Variants in PTPRM observed in about 807,000 individuals in gnomAD.
PTPRM encodes the protein receptor-type tyrosine-protein phosphatase mu.
PTPRM carries 47 observed loss-of-function variants against 186.7 expected under a neutral mutation model. The ratio of observed to expected loss-of-function variants is 0.25; its 90% confidence interval spans 0.20 to 0.32. PTPRM has a LOEUF of 0.32. Among genes scored for constraint, PTPRM ranks in the 10% least tolerant of loss-of-function variants. The pLI is 1.00. For synonymous variants in PTPRM, 668 were observed against 674.9 expected (o/e 0.99, Z 0.16); for missense variants, 1,494 against 1,865.0 (o/e 0.80, Z 3.66).
chr18:7,891,630 G>A (rs1213391663), intron 3 of PTPRM, among the ~76,000 whole-genome samples: 1 of 152,146 alleles, frequency 6.6e-6, no homozygotes, highest in East Asian at 1.9e-4. Context: ...ACTTTGGGAG[G>A]CTGAGGCAGG....
chr18:7,944,172 C>G (rs970558897), intron 5 of PTPRM, among the ~76,000 whole-genome samples: 2 of 152,112 alleles, frequency 1.3e-5, no homozygotes, highest in Non-Finnish European at 2.9e-5. Context: ...CTAGAGTCAG[C>G]CAGTATTTCT....
chr18:7,928,084 C>T (rs2051277780), intron 5 of PTPRM, among the ~76,000 whole-genome samples: 1 of 152,142 alleles, frequency 6.6e-6, no homozygotes, highest in Admixed American at 6.5e-5. Context: ...AAATGGGAGA[C>T]ATTTGAGTGT....
At chr18:8,024,136 G>T (rs565940798) in intron 7 of PTPRM, among the ~76,000 whole-genome samples, 150 of 152,160 alleles carry the variant, frequency 9.9e-4, no homozygotes, top group African/African-American at 3.1e-3. Context: ...GGACAGAAAT[G>T]ATTTTTAATA....
chr18:7,657,835 T>C (rs1423988396), intron 1 of PTPRM, among the ~76,000 whole-genome samples: 1 of 152,216 alleles, frequency 6.6e-6, no homozygotes, highest in African/African-American at 2.4e-5. Flanking sequence ...ACAATGAGGA[T>C]TTTTAAATCA....
At chr18:8,125,904 A>T (rs532539931) in intron 13 of PTPRM, among the ~76,000 whole-genome samples, 1 of 147,676 alleles carries the variant, frequency 6.8e-6, no homozygotes, top group Admixed American at 6.8e-5. Context: ...TTAAATTAAG[A>T]TATCTTTGTT....
chr18:7,891,861 C>A (rs757144850), intron 3 of PTPRM, among the ~76,000 whole-genome samples: 4 of 152,010 alleles, frequency 2.6e-5, no homozygotes, highest in Non-Finnish European at 4.4e-5. Flanking sequence ...GGAGACAGAA[C>A]GAGACCCTGT....
intron 2 of PTPRM, among the ~76,000 whole-genome samples, chr18:7,781,848 A>G (rs996745500): frequency 8.5e-5 from 13 of 152,166 alleles, no homozygotes; most frequent in African/African-American, 3.1e-4. Context: ...ACTGAACCCA[A>G]GAAATGAAAA....
intron 1 of PTPRM, among the ~76,000 whole-genome samples, chr18:7,717,788 C>T (rs2040369206): frequency 6.6e-6 from 1 of 152,168 alleles, no homozygotes; most frequent in African/African-American, 2.4e-5. Flanking sequence ...TAGCTGGTTC[C>T]AGCACCCACT....
chr18:7,758,579 C>T (rs1438943748), intron 1 of PTPRM, among the ~76,000 whole-genome samples: 3 of 152,140 alleles, frequency 2.0e-5, no homozygotes, highest in Non-Finnish European at 4.4e-5. Flanking sequence ...ACTTCAAGTC[C>T]ACATCTTTCT....
chr18:8,066,713 A>G (rs1186940334), intron 7 of PTPRM, among the ~76,000 whole-genome samples: 2 of 152,202 alleles, frequency 1.3e-5, no homozygotes, highest in Non-Finnish European at 2.9e-5. Flanking sequence ...TAAAGATGCA[A>G]AAAAGTGAGT....
chr18:8,035,520 A>G (rs1475255703), intron 7 of PTPRM, among the ~76,000 whole-genome samples: 2 of 152,190 alleles, frequency 1.3e-5, no homozygotes, highest in Non-Finnish European at 2.9e-5. Flanking sequence ...TACAATGTAA[A>G]TGCTATGTAA....
chr18:8,157,909 G>A (rs2093156154), intron 14 of PTPRM, among the ~76,000 whole-genome samples: 1 of 152,230 alleles, frequency 6.6e-6, no homozygotes. Context: ...ACTGTCTTCG[G>A]TGTGCATAAA....
chr18:7,657,270 G>A (rs944784262), intron 1 of PTPRM, among the ~76,000 whole-genome samples: 2 of 152,138 alleles, frequency 1.3e-5, no homozygotes, highest in African/African-American at 2.4e-5. Flanking sequence ...AGTGAAGCCC[G>A]TGAACTGACA....
chr18:7,785,321 G>T (rs1033902659), intron 2 of PTPRM, among the ~76,000 whole-genome samples: 6 of 152,302 alleles, frequency 3.9e-5, no homozygotes, highest in Admixed American at 1.3e-4. Flanking sequence ...GTTAGTAAAT[G>T]AGTACCAAAA....
intron 7 of PTPRM, chr18:8,017,758 T>C (rs2084968553): frequency 6.6e-6 from 1 of 152,078 alleles, no homozygotes; most frequent in South Asian, 2.1e-4. Flanking sequence ...AGGTAGGTGA[T>C]ATCACAAAGG....
chr18:7,683,882 G>T (rs2039535713), intron 1 of PTPRM, among the ~76,000 whole-genome samples: 1 of 152,100 alleles, frequency 6.6e-6, no homozygotes, highest in African/African-American at 2.4e-5. Context: ...CATTCAGGTT[G>T]TTGGGGGAAT....
chr18:7,728,130 A>G (rs918863290), intron 1 of PTPRM, among the ~76,000 whole-genome samples: 7 of 152,200 alleles, frequency 4.6e-5, no homozygotes, highest in African/African-American at 1.7e-4. Context: ...ATTATAAGTA[A>G]GGTTCAGATA....
chr18:8,229,704 GA>G (rs370438036), intron 14 of PTPRM, among the ~76,000 whole-genome samples: 161 of 152,260 alleles, frequency 1.1e-3, no homozygotes, highest in African/African-American at 3.8e-3. Flanking sequence ...TGTTTTAAAA[GA>G]AAGCCAATCT....
chr18:7,897,248 T>C (rs2049410861), intron 3 of PTPRM, among the ~76,000 whole-genome samples: 1 of 152,204 alleles, frequency 6.6e-6, no homozygotes, highest in Non-Finnish European at 1.5e-5. Flanking sequence ...ATTTGGGCTT[T>C]GCTGAGTATT....
Sources: allele counts gnomAD v4.1 joint callset (sites outside exome capture counted in the v4.1 genomes callset), GRCh38; gene constraint gnomAD v4.1.1; transcripts MANE v1.5; gene names NCBI Gene and HGNC (gene_info 2026-07-23, HGNC 2026-07-21).